The following TNFAIP8 variants were observed in gnomAD, a reference collection of about 807,000 sequenced individuals.
TNFAIP8 encodes the protein TNF alpha induced protein 8.
In TNFAIP8, 7 loss-of-function variants were observed where a neutral mutation model predicts 13.3. The observed-to-expected ratio is 0.52, with a 90% CI of 0.30 to 0.99. The LOEUF is 0.99. TNFAIP8 is among the 50% of genes least tolerant of loss of function. The probability of loss-of-function intolerance (pLI) is 0.07; values close to 1 mark genes in which losing one functional copy is unlikely to be tolerated. For synonymous variants in TNFAIP8, 94 were observed against 87.6 expected, an observed-to-expected ratio of 1.07 and a Z score of -0.41; for missense variants, 258 against 236.9, an observed-to-expected ratio of 1.09 and a Z score of -0.58.
intron 1 of TNFAIP8, among the ~76,000 whole-genome samples, chr5:119,379,484 T>A (rs1752404392): frequency 6.6e-6 from 1 of 152,234 alleles, no homozygotes; most frequent in African/African-American, 2.4e-5. Flanking sequence ...TCAATAGCAC[T>A]CTTTCAGGCA....
chr5:119,346,055 T>A (rs1217777429), intron 1 of TNFAIP8, among the ~76,000 whole-genome samples: 1 of 152,068 alleles, frequency 6.6e-6, no homozygotes, highest in Non-Finnish European at 1.5e-5. Context: ...AACACATGCT[T>A]CTCTCTGCTC....
At position 119,392,703 on chromosome 5, in the gene TNFAIP8, C is replaced by T. The variant is rs73243221; in HGVS notation, c.32-113C>T. 1.6e-3 allele frequency: 2,005 copies of T among 1,272,064 alleles called. 30 individuals carry two copies. The African/African-American group carries it at 0.027, about 17-fold the overall frequency. 78.8% of individuals were successfully genotyped at this position (1,272,064 alleles called of 1,614,324 possible). Reference sequence around the variant, plus strand: ...ATGTCGGTAGATGTAAGACAAACCACAAATGGTGGGAAAATGAGGAAAAAA... The same window carrying T: ...ATGTCGGTAGATGTAAGACAAACCATAAATGGTGGGAAAATGAGGAAAAAA... On this transcript the variant is annotated intron_variant, in intron 1 of 1. Coordinates refer to ENST00000504771, the MANE Select transcript of TNFAIP8 (RefSeq NM_014350.4).
chr5:119,277,852 A>G lies in TNFAIP8; in HGVS notation c.1+8945A>G, dbSNP rs528971913. 3.3e-5 allele frequency among the ~76,000 whole-genome samples: 5 copies of G among 152,236 alleles called. No homozygotes were observed. The South Asian group carries it at 8.3e-4, about 25-fold the overall frequency. On this transcript the variant is annotated intron_variant, in intron 1 of 1. Transcript: ENST00000274456. ...GGGTGCTTTCTTGCTGTGTCCTCAC[A>G]TGGTAGATGAGATGGGAGGTGGAGG...
At chr5:119,391,354 C>G (rs1261982696) in intron 1 of TNFAIP8, 3 of 701,942 alleles carry the variant, frequency 4.3e-6, no homozygotes, top group Non-Finnish European at 5.2e-6. Flanking sequence ...TGACTGCTTT[C>G]TGATACCCAG....
At chr5:119,304,484 C>T (rs928960756) in intron 1 of TNFAIP8, among the ~76,000 whole-genome samples, 1 of 152,162 alleles carries the variant, frequency 6.6e-6, no homozygotes, top group African/African-American at 2.4e-5. Context: ...CTATAATGGT[C>T]CCTCAGTGAC....
intron 1 of TNFAIP8, among the ~76,000 whole-genome samples, chr5:119,384,578 T>C (rs575966793): frequency 2.0e-5 from 3 of 152,324 alleles, no homozygotes; most frequent in African/African-American, 4.8e-5. Context: ...GCTGCTGTTA[T>C]TATTGTTATC....
intron 1 of TNFAIP8, among the ~76,000 whole-genome samples, chr5:119,294,629 A>C (rs1423623065): frequency 1.3e-5 from 2 of 152,212 alleles, no homozygotes; most frequent in African/African-American, 4.8e-5. Flanking sequence ...ACTGACTTCC[A>C]CAATGGTAGA....
intron 1 of TNFAIP8, among the ~76,000 whole-genome samples, chr5:119,372,136 CA>C (rs762344189): frequency 1.1e-3 from 140 of 126,266 alleles, no homozygotes; most frequent in East Asian, 3.8e-3. Context: ...GACTCCATCT[CA>C]AAAAAAAAAA....
intron 1 of TNFAIP8, among the ~76,000 whole-genome samples, chr5:119,295,666 G>A (rs1381033428): frequency 6.6e-6 from 1 of 152,168 alleles, no homozygotes; most frequent in African/African-American, 2.4e-5. Flanking sequence ...ATTCTGTGAA[G>A]AAAGTCATTG....
At chr5:119,326,307 G>A (rs531755999) in intron 1 of TNFAIP8, among the ~76,000 whole-genome samples, 4 of 152,182 alleles carry the variant, frequency 2.6e-5, no homozygotes, top group African/African-American at 4.8e-5. Flanking sequence ...CAAATATCAC[G>A]GAGATGCAGG....
intron 1 of TNFAIP8, among the ~76,000 whole-genome samples, chr5:119,294,694 C>T (rs920744644): frequency 1.3e-5 from 2 of 152,174 alleles, no homozygotes; most frequent in Non-Finnish European, 2.9e-5. Flanking sequence ...ACATCCTCTC[C>T]AGCACCTGTT....
intron 1 of TNFAIP8, among the ~76,000 whole-genome samples, chr5:119,303,277 A>G (rs552846966): frequency 6.6e-6 from 1 of 152,220 alleles, no homozygotes; most frequent in Non-Finnish European, 1.5e-5. Flanking sequence ...TTTAAAGTGT[A>G]TGTCATCTAG....
At chr5:119,383,138 A>T (rs1192173453) in intron 1 of TNFAIP8, among the ~76,000 whole-genome samples, 1 of 152,248 alleles carries the variant, frequency 6.6e-6, no homozygotes, top group Non-Finnish European at 1.5e-5. Context: ...TTGAAGAATT[A>T]AGGTTTTGTT....
At chr5:119,271,261 T>TG (rs1245786668) in intron 1 of TNFAIP8, among the ~76,000 whole-genome samples, 1 of 152,126 alleles carries the variant, frequency 6.6e-6, no homozygotes, top group Non-Finnish European at 1.5e-5. Context: ...AATGCTGAGT[T>TG]GGGGGAGGAG....
intron 1 of TNFAIP8, among the ~76,000 whole-genome samples, chr5:119,334,191 AAAT>A (rs1180468909): frequency 6.6e-6 from 1 of 151,676 alleles, no homozygotes; most frequent in Non-Finnish European, 1.5e-5. Flanking sequence ...TGTACTTTTA[AAAT>A]AACACCTTAG....
chr5:119,273,536 C>A (rs776539844), intron 1 of TNFAIP8, among the ~76,000 whole-genome samples: 15 of 152,130 alleles, frequency 9.9e-5, no homozygotes, highest in Non-Finnish European at 1.8e-4. Flanking sequence ...GCAGGGCATT[C>A]GAGTTTTATG....
intron 1 of TNFAIP8, among the ~76,000 whole-genome samples, chr5:119,382,016 T>A (rs1247104105): frequency 1.3e-5 from 2 of 152,214 alleles, no homozygotes; most frequent in African/African-American, 4.8e-5. Flanking sequence ...CAATTTTTTC[T>A]AAAATTCATA....
At chr5:119,280,418 G>A (rs1164902985) in intron 1 of TNFAIP8, among the ~76,000 whole-genome samples, 1 of 143,520 alleles carries the variant, frequency 7.0e-6, no homozygotes, top group Non-Finnish European at 1.5e-5. Flanking sequence ...TTTTTAATTT[G>A]TTGCAGGACC....
intron 1 of TNFAIP8, among the ~76,000 whole-genome samples, chr5:119,293,096 T>G (rs958448506): frequency 3.9e-5 from 6 of 152,168 alleles, no homozygotes; most frequent in Non-Finnish European, 7.3e-5. Flanking sequence ...CTAAAAACTG[T>G]ATATACATGT....
Sources: allele counts gnomAD v4.1 joint callset (sites outside exome capture counted in the v4.1 genomes callset), GRCh38; gene constraint gnomAD v4.1.1; transcripts MANE v1.5; gene names NCBI Gene and HGNC (gene_info 2026-07-23, HGNC 2026-07-21).